The following INPP4B variants were observed in gnomAD, a reference collection of about 807,000 sequenced individuals.
INPP4B encodes the protein inositol polyphosphate 4-phosphatase type II.
Under a neutral mutation model 122.5 loss-of-function variants are expected in INPP4B, and 55 were observed. That is an observed-to-expected ratio of 0.45 (90% CI 0.36 to 0.56). The LOEUF is 0.56. Among genes scored for constraint, INPP4B ranks in the 20% least tolerant of loss-of-function variants. INPP4B has a pLI of 0.00. For synonymous variants in INPP4B, 403 were observed against 388.7 expected, an observed-to-expected ratio of 1.04 and a Z score of -0.43; for missense variants, 1,000 against 1,097.7, an observed-to-expected ratio of 0.91 and a Z score of 1.26.
chr4:142,205,264 A>T (rs376171665), intron 14 of INPP4B, among the ~76,000 whole-genome samples: 2 of 152,164 alleles, frequency 1.3e-5, no homozygotes, highest in African/African-American at 4.8e-5. Flanking sequence ...ATTTGAATAC[A>T]TAATTAAATA....
chr4:142,333,717 AT>A (rs139407183), intron 7 of INPP4B, among the ~76,000 whole-genome samples: 16 of 151,768 alleles, frequency 1.1e-4, no homozygotes, highest in South Asian at 2.1e-4. Flanking sequence ...CAATGAGTTC[AT>A]TTTTTTTCCA....
intron 1 of INPP4B, among the ~76,000 whole-genome samples, chr4:142,741,810 G>A (rs1241964569): frequency 1.3e-5 from 2 of 151,848 alleles, no homozygotes; most frequent in Admixed American, 1.3e-4. Context: ...CAGATTCCCT[G>A]AAGAAGAGAG....
chr4:142,294,829 C>CAAAAAAAAAAAAAAAAAA (rs57430432), intron 9 of INPP4B, among the ~76,000 whole-genome samples: 861 of 28,480 alleles, frequency 0.03, 291 homozygotes, highest in East Asian at 0.042. Context: ...GACTCCGTCT[C>CAAAAAAAAAAAAAAAAAA]AAAAAAAAAA....
At chr4:142,236,104 A>G (rs1856596874) in intron 12 of INPP4B, among the ~76,000 whole-genome samples, 1 of 152,272 alleles carries the variant, frequency 6.6e-6, no homozygotes, top group East Asian at 1.9e-4. Context: ...CCTGCCTGGA[A>G]TCTCATGCTT....
At chr4:142,658,028 C>T (rs1247305164) in intron 2 of INPP4B, among the ~76,000 whole-genome samples, 1 of 152,170 alleles carries the variant, frequency 6.6e-6, no homozygotes, top group Non-Finnish European at 1.5e-5. Flanking sequence ...ATAATGTTCA[C>T]ATATGTTCCA....
chr4:142,622,892 C>T (rs1437956632), intron 2 of INPP4B, among the ~76,000 whole-genome samples: 1 of 151,950 alleles, frequency 6.6e-6, no homozygotes, highest in Non-Finnish European at 1.5e-5. Flanking sequence ...TTAAAGCATA[C>T]AAAATATATT....
At chr4:142,304,418 T>C (rs1205053822) in intron 9 of INPP4B, among the ~76,000 whole-genome samples, 1 of 152,040 alleles carries the variant, frequency 6.6e-6, no homozygotes, top group African/African-American at 2.4e-5. Context: ...GATGGCAGCC[T>C]CATTAGAATC....
intron 25 of INPP4B, among the ~76,000 whole-genome samples, chr4:142,049,160 G>A (rs774685345): frequency 6.6e-6 from 1 of 151,870 alleles, no homozygotes; most frequent in Non-Finnish European, 1.5e-5. Flanking sequence ...TAAAAAAAAT[G>A]TAATGGAAGA....
intron 1 of INPP4B, among the ~76,000 whole-genome samples, chr4:142,760,697 A>G (rs1771204562): frequency 6.6e-6 from 1 of 152,176 alleles, no homozygotes; most frequent in Non-Finnish European, 1.5e-5. Context: ...TAAATTTTGT[A>G]TAAAACCACT....
chr4:142,147,673 A>C lies in INPP4B; in HGVS notation c.1564-1677T>G, dbSNP rs1315327374. Among the ~76,000 whole-genome samples, 3 of 152,174 alleles carry C rather than the reference A, an allele frequency of 2.0e-5. No homozygotes were observed. In the South Asian group the frequency reaches 6.2e-4, roughly 31 times the overall value. The stretch of plus-strand genomic sequence containing the variant: ...CATCCAAAACTTACTGGCTTTCCTA[A>C]GTAAATCAAGCTTTCCCCTCACACT... On this transcript the variant is annotated intron_variant, in intron 17 of 25. Transcript: ENST00000262992.
chr4:142,224,810 C>T (rs949156977), intron 12 of INPP4B, among the ~76,000 whole-genome samples: 2 of 151,778 alleles, frequency 1.3e-5, no homozygotes, highest in Non-Finnish European at 2.9e-5. Flanking sequence ...AATATTTTAT[C>T]ACCATGAATC....
intron 2 of INPP4B, among the ~76,000 whole-genome samples, chr4:142,511,860 C>A (rs1269525731): frequency 1.3e-5 from 2 of 152,024 alleles, no homozygotes; most frequent in Non-Finnish European, 2.9e-5. Flanking sequence ...TCCTCTACAC[C>A]CTTAATATAA....
chr4:142,186,285 C>T (rs976764160), intron 15 of INPP4B, among the ~76,000 whole-genome samples: 3 of 152,302 alleles, frequency 2.0e-5, no homozygotes, highest in African/African-American at 7.2e-5. Context: ...ATTTTGGAAA[C>T]CACCCTCTGG....
At chr4:142,409,307 A>G (rs1456811431) in intron 5 of INPP4B, among the ~76,000 whole-genome samples, 2 of 152,232 alleles carry the variant, frequency 1.3e-5, no homozygotes, top group African/African-American at 4.8e-5. Flanking sequence ...AGCCTGGCCA[A>G]CATGGCAAAA....
chr4:142,368,965 G>A (rs886080246), intron 7 of INPP4B, among the ~76,000 whole-genome samples: 4 of 152,078 alleles, frequency 2.6e-5, no homozygotes, highest in African/African-American at 9.7e-5. Context: ...GGGGTAAGGA[G>A]CTTGGGCATT....
At chr4:142,181,669 T>A (rs1001154468) in intron 15 of INPP4B, among the ~76,000 whole-genome samples, 1 of 152,212 alleles carries the variant, frequency 6.6e-6, no homozygotes, top group African/African-American at 2.4e-5. Flanking sequence ...CTTATAATAT[T>A]TTACTATTAT....
intron 2 of INPP4B, among the ~76,000 whole-genome samples, chr4:142,559,946 G>A (rs72726456): frequency 0.046 from 6,972 of 152,208 alleles, 199 homozygotes; most frequent in Non-Finnish European, 0.053. Context: ...GATAAGAATA[G>A]AGCTAATGCC....
At chr4:142,171,759 G>A (rs1561367116) in intron 16 of INPP4B, among the ~76,000 whole-genome samples, 1 of 151,840 alleles carries the variant, frequency 6.6e-6, no homozygotes, top group Non-Finnish European at 1.5e-5. Flanking sequence ...TGTCTACTCA[G>A]TAGAAAAGAG....
chr4:142,710,536 G>T (rs1292900041), intron 2 of INPP4B, among the ~76,000 whole-genome samples: 1 of 152,048 alleles, frequency 6.6e-6, no homozygotes, highest in Non-Finnish European at 1.5e-5. Context: ...AGATAATAAA[G>T]AGGAGAATGG....
Sources: allele counts gnomAD v4.1 joint callset (sites outside exome capture counted in the v4.1 genomes callset), GRCh38; gene constraint gnomAD v4.1.1; transcripts MANE v1.5; gene names NCBI Gene and HGNC (gene_info 2026-07-23, HGNC 2026-07-21).